KAZN: variants seen among roughly 807,000 people sequenced by gnomAD.
KAZN encodes the protein kazrin, periplakin interacting protein.
KAZN carries 40 observed loss-of-function variants against 87.4 expected under a neutral mutation model. That is an observed-to-expected ratio of 0.46 (90% CI 0.36 to 0.60). The LOEUF is 0.60. Ranked by LOEUF, KAZN falls within the 20% of genes least tolerant of loss-of-function variation. The pLI is 0.00. For missense variants in KAZN, 898 were observed against 1,073.9 expected (o/e 0.84, Z 2.29); for synonymous variants, 466 against 458.3 (o/e 1.02, Z -0.22).
In KAZN at chr1:14,838,467, C is replaced by T. The variant is rs756946231; in HGVS notation, c.227-122217C>T. On this transcript the variant is annotated intron_variant, in intron 1 of 14. Transcript: ENST00000376030. Reference sequence around the variant, plus strand: ...AACCTCAGCTGGGAAGAAAGAGCCCCCCACCTGGTCAGTTACCCAGAATCT... The same window carrying T: ...AACCTCAGCTGGGAAGAAAGAGCCCTCCACCTGGTCAGTTACCCAGAATCT... 3.3e-5 allele frequency among the ~76,000 whole-genome samples: 5 copies of T among 152,130 alleles called. No homozygotes were observed. In the South Asian group the frequency reaches 1.0e-3, roughly 32 times the overall value.
At chr1:15,043,503 A>C (rs769429104) in intron 3 of KAZN, among the ~76,000 whole-genome samples, 1 of 152,118 alleles carries the variant, frequency 6.6e-6, no homozygotes, top group East Asian at 1.9e-4. Flanking sequence ...AAAGGGTTTA[A>C]TGAGTGTCTA....
chr1:14,075,826 C>T lies in KAZN; in HGVS notation c.92-104609C>T, dbSNP rs1004952026. On this transcript the variant is annotated intron_variant, in intron 1 of 16. Coordinates refer to the KAZN transcript ENST00000636203. ...GCATCCTTGGCCTCTGCCCACCGGA[C>T]GTCAGTGGCACCCTGTTATGAGTTG... is the stretch of plus-strand genomic sequence containing the variant. Among the ~76,000 whole-genome samples, 9 of 152,202 alleles carry T rather than the reference C, an allele frequency of 5.9e-5. No homozygotes were observed. In the East Asian group the frequency reaches 9.7e-4, roughly 16 times the overall value.
chr1:14,505,493 C>A (rs1670532019), intron 2 of KAZN, among the ~76,000 whole-genome samples: 1 of 152,164 alleles, frequency 6.6e-6, no homozygotes, highest in Admixed American at 6.5e-5. Context: ...TTGAAGACAT[C>A]ATGCTAAGTG....
At chr1:14,839,624 A>C (rs1647697649) in intron 1 of KAZN, among the ~76,000 whole-genome samples, 1 of 152,076 alleles carries the variant, frequency 6.6e-6, no homozygotes, top group Non-Finnish European at 1.5e-5. Context: ...TCATAATCTC[A>C]TCTATCAGGT....
intron 1 of KAZN, among the ~76,000 whole-genome samples, chr1:14,752,709 A>G (rs1003636573): frequency 6.6e-6 from 1 of 152,068 alleles, no homozygotes; most frequent in African/African-American, 2.4e-5. Context: ...ATACTATCAC[A>G]TTGGCAATTA....
chr1:14,500,604 C>T lies in KAZN; in HGVS notation c.250-98379C>T, dbSNP rs569811341. On this transcript the variant is annotated intron_variant, in intron 2 of 16. Transcript: ENST00000636203. ...GGAAGGAAATAATAAAAACTGGAACCGAAACACATGAAAGATAGAATAGAA... is the reference window on the plus strand; with the variant it reads ...GGAAGGAAATAATAAAAACTGGAACTGAAACACATGAAAGATAGAATAGAA... Among the ~76,000 whole-genome samples, 14 of 151,306 alleles carry T rather than the reference C, an allele frequency of 9.3e-5. No individual in the cohort carries two copies. The South Asian group carries it at 1.5e-3, about 16-fold the overall frequency.
At chr1:14,024,582 A>T (rs1024790433) in intron 1 of KAZN, among the ~76,000 whole-genome samples, 1 of 152,200 alleles carries the variant, frequency 6.6e-6, no homozygotes, top group African/African-American at 2.4e-5. Flanking sequence ...GAACAGGGAG[A>T]GGGTACCTCT....
chr1:14,354,372 G>T (rs926560398), intron 2 of KAZN, among the ~76,000 whole-genome samples: 2 of 152,060 alleles, frequency 1.3e-5, no homozygotes, highest in Admixed American at 1.3e-4. Flanking sequence ...AAAATGAAAA[G>T]ACAAGCCAGG....
intron 2 of KAZN, among the ~76,000 whole-genome samples, chr1:14,478,214 A>C (rs1415553046): frequency 6.6e-6 from 1 of 150,788 alleles, no homozygotes; most frequent in Non-Finnish European, 1.5e-5. Context: ...GGGTGGATAG[A>C]TGGATGGATA....
chr1:14,997,188 T>TTTTC (rs1177491397), intron 2 of KAZN, among the ~76,000 whole-genome samples: 26 of 149,640 alleles, frequency 1.7e-4, no homozygotes, highest in African/African-American at 5.6e-4. Context: ...CTCTGTTTTC[T>TTTTC]TTTCTTTCTT....
chr1:14,714,090 T>A (rs1193466846), intron 1 of KAZN, among the ~76,000 whole-genome samples: 1 of 152,232 alleles, frequency 6.6e-6, no homozygotes, highest in Non-Finnish European at 1.5e-5. Context: ...CTTAGCCACA[T>A]AACTGGGTCT....
At chr1:14,843,346 G>T (rs1001939851) in intron 1 of KAZN, among the ~76,000 whole-genome samples, 1 of 152,222 alleles carries the variant, frequency 6.6e-6, no homozygotes, top group Non-Finnish European at 1.5e-5. Context: ...CTCTGAGGAG[G>T]TAGAGGAGGT....
chr1:14,201,468 C>A (rs987749471), intron 2 of KAZN, among the ~76,000 whole-genome samples: 1 of 152,174 alleles, frequency 6.6e-6, no homozygotes, highest in African/African-American at 2.4e-5. Context: ...GCTGGTGGAG[C>A]CTGGCGGCTG....
chr1:14,895,550 G>A (rs943456635), intron 1 of KAZN, among the ~76,000 whole-genome samples: 1 of 152,220 alleles, frequency 6.6e-6, no homozygotes, highest in African/African-American at 2.4e-5. Context: ...CAGCCAAGAA[G>A]AGCCAGGCCA....
chr1:14,580,991 T>C (rs1404647163), intron 2 of KAZN, among the ~76,000 whole-genome samples: 2 of 152,122 alleles, frequency 1.3e-5, no homozygotes, highest in East Asian at 3.9e-4. Flanking sequence ...GACCTTGACC[T>C]CTAAATATTG....
chr1:14,523,147 G>A (rs1671675222), intron 2 of KAZN, among the ~76,000 whole-genome samples: 3 of 152,166 alleles, frequency 2.0e-5, no homozygotes, highest in Admixed American at 6.5e-5. Flanking sequence ...AGGCTGGGAG[G>A]CACCTCACCC....
chr1:14,905,276 C>T (rs1012942720), intron 1 of KAZN, among the ~76,000 whole-genome samples: 24 of 152,186 alleles, frequency 1.6e-4, no homozygotes, highest in African/African-American at 5.8e-4. Flanking sequence ...CCAGGCTGGT[C>T]TCAAACTCCT....
intron 2 of KAZN, among the ~76,000 whole-genome samples, chr1:14,380,786 G>A (rs1661299587): frequency 6.6e-6 from 1 of 152,190 alleles, no homozygotes; most frequent in African/African-American, 2.4e-5. Flanking sequence ...GATAGAGAAA[G>A]AGACAGGGGT....
intron 2 of KAZN, among the ~76,000 whole-genome samples, chr1:15,007,056 CAAAA>C (rs35245453): frequency 5.9e-5 from 4 of 67,912 alleles, no homozygotes; most frequent in South Asian, 6.4e-4. Context: ...GACTCCGTCT[CAAAA>C]AAAAAAAAAA....
Sources: gnomAD v4.1 joint callset for allele counts (sites outside exome capture counted in the v4.1 genomes callset) on GRCh38, gnomAD v4.1.1 for gene constraint, MANE v1.5 for transcripts, NCBI Gene and HGNC (gene_info 2026-07-23, HGNC 2026-07-21) for gene names.